The following PNPLA1 variants were observed in gnomAD, a reference collection of about 807,000 sequenced individuals.
The protein encoded by PNPLA1 is patatin like domain 1, omega-hydroxyceramide transacylase.
In PNPLA1, 36 loss-of-function variants were observed where a neutral mutation model predicts 51.7. That is an observed-to-expected ratio of 0.70 (90% CI 0.53 to 0.92). PNPLA1 has a LOEUF of 0.92. Among genes scored for constraint, PNPLA1 ranks in the 40% least tolerant of loss-of-function variants. PNPLA1 has a pLI of 0.00. For missense variants in PNPLA1, 658 were observed against 682.5 expected (o/e 0.96, Z 0.40); for synonymous variants, 293 against 280.1 (o/e 1.05, Z -0.46).
intron 1 of PNPLA1, among the ~76,000 whole-genome samples, chr6:36,255,224 G>A (rs897594673): frequency 6.6e-6 from 1 of 151,996 alleles, no homozygotes; most frequent in African/African-American, 2.4e-5. Context: ...TACAAAATTG[G>A]CCAGGTGCAG....
Position 36,307,719 on chromosome 6 carries a change from A to C in PNPLA1, c.1595+7A>C. ...AACCAAGCAGCAAAGTGCAGTGAGC[A>C]TGTCTAATGTTCCTTAAATCCCACG... On this transcript the variant is annotated splice_region_variant and intron_variant, in intron 8 of 8. Coordinates refer to ENST00000636260, the MANE Select transcript of PNPLA1 (RefSeq NM_001374623.1). The C allele has an allele frequency of 1.2e-6, 2 of 1,613,744 alleles. No homozygotes were observed. Among genetic ancestry groups the C allele is most frequent in the East Asian group, 2.2e-5 (1 of 44,832 alleles).
rs1770777376 is a variant in PNPLA1 at position 36,294,139 on chromosome 6, G to A, written c.505-51G>A. On this transcript the variant is annotated intron_variant, in intron 3 of 8. Coordinates refer to ENST00000636260, the MANE Select transcript of PNPLA1 (RefSeq NM_001374623.1). The surrounding 1 kb of genome is among the most constrained non-coding windows in gnomAD (Gnocchi z 4.2). ...TGGGCCATTTCGATGTACCCCGAGT[G>A]GGGCTGAGAACTCTGGCCCCAAGTG... is the stretch of plus-strand genomic sequence containing the variant. 6.2e-7 allele frequency: 1 copy of A among 1,602,048 alleles called. No individual in the cohort carries two copies. The highest frequency in any genetic ancestry group is 2.2e-5 in the East Asian group (1 of 44,638).
chr6:36,302,050 G>T lies in PNPLA1; in HGVS notation c.965G>T (p.Gly322Val). The change falls in exon 6 of 9, where the codon GGC becomes GTC. Residue 322 changes from glycine to valine, a missense_variant. By Grantham distance (109) the Gly-to-Val change is moderately radical (BLOSUM62 -3). Coordinates refer to ENST00000636260, the MANE Select transcript of PNPLA1 (RefSeq NM_001374623.1). Reference sequence around the variant, plus strand: ...TGGGTTCCCAAAGGGGATGGAAGGGGCAGCCATGGTCCGCCTGTGTCCCAA... The same window carrying T: ...TGGGTTCCCAAAGGGGATGGAAGGGTCAGCCATGGTCCGCCTGTGTCCCAA... ...KEWVPKGDGR[G>V]SHGPPVSQPV... 2 of 1,614,202 alleles carry T rather than the reference G, an allele frequency of 1.2e-6. No homozygotes were observed. The highest frequency in any genetic ancestry group is 1.7e-5 in the Admixed American group (1 of 60,030).
chr6:36,303,251 C>T (rs1429864048), intron 6 of PNPLA1, among the ~76,000 whole-genome samples: 4 of 152,186 alleles, frequency 2.6e-5, no homozygotes, highest in South Asian at 4.2e-4. Context: ...CCCGCCACCA[C>T]GCCTGGCTAA....
intron 1 of PNPLA1, among the ~76,000 whole-genome samples, chr6:36,274,148 C>A (rs1026596263): frequency 1.6e-4 from 25 of 152,154 alleles, no homozygotes; most frequent in African/African-American, 6.0e-4. Flanking sequence ...TCACAACAGC[C>A]CTCCCAGGTG....
rs768076966 is a variant in PNPLA1, at chr6:36,302,444, G to A, written c.1359G>A (p.Glu453=). Residue 453 remains glutamate, a synonymous_variant, in exon 6 of 9, where the codon GAG becomes GAA. Coordinates refer to ENST00000636260, the MANE Select transcript of PNPLA1 (RefSeq NM_001374623.1). ...CCTTCCCTGCTCAGCCACCTGTGGA[G>A]GAACTAGGCCAAGAACAGCCCCAAG... ...LSAFPAQPPV[E]ELGQEQPQAV... is the part of the protein sequence containing the mutation. 4 of 1,552,902 alleles carry A rather than the reference G, an allele frequency of 2.6e-6. No homozygotes were observed. Among genetic ancestry groups the A allele is most frequent in the Admixed American group, 3.8e-5 (2 of 52,806 alleles).
intron 1 of PNPLA1, among the ~76,000 whole-genome samples, chr6:36,254,586 A>AAAC (rs1769490323): frequency 1.3e-5 from 2 of 152,010 alleles, no homozygotes; most frequent in African/African-American, 4.8e-5. Context: ...AACAAACAAA[A>AAAC]AAAAAAACAA....
At chr6:36,278,831 G>C (rs1474471135) in intron 1 of PNPLA1, among the ~76,000 whole-genome samples, 1 of 152,204 alleles carries the variant, frequency 6.6e-6, no homozygotes, top group East Asian at 1.9e-4. Context: ...CTGGGGATCT[G>C]GCAGTGAGCA....
intron 1 of PNPLA1, among the ~76,000 whole-genome samples, chr6:36,256,080 G>A (rs965066363): frequency 2.1e-4 from 32 of 152,192 alleles, no homozygotes; most frequent in Middle Eastern, 3.4e-3. Flanking sequence ...AAAATAGCCC[G>A]GGCCTTTAAT....
chr6:36,288,441 C>CTTTT (rs1770570548), intron 1 of PNPLA1, among the ~76,000 whole-genome samples: 1 of 112,860 alleles, frequency 8.9e-6, no homozygotes. Context: ...TAAGGAGACC[C>CTTTT]TATTTTTTTT....
intron 1 of PNPLA1, among the ~76,000 whole-genome samples, chr6:36,283,111 T>A (rs1254819824): frequency 1.3e-5 from 2 of 152,318 alleles, no homozygotes; most frequent in Admixed American, 1.3e-4. Context: ...AATGTTAACA[T>A]CTTACATAAC....
chr6:36,290,057 C>G (rs1489805591), intron 1 of PNPLA1, among the ~76,000 whole-genome samples: 1 of 152,170 alleles, frequency 6.6e-6, no homozygotes, highest in Non-Finnish European at 1.5e-5. Context: ...GCCCTTAGCA[C>G]TCATGCAGGA....
chr6:36,287,808 G>C (rs1561862426), intron 1 of PNPLA1, among the ~76,000 whole-genome samples: 1 of 150,658 alleles, frequency 6.6e-6, no homozygotes, highest in Non-Finnish European at 1.5e-5. Flanking sequence ...CTGGAGAGAA[G>C]TAAGAAGATG....
At chr6:36,282,049 G>GA (rs1770303871) in intron 1 of PNPLA1, among the ~76,000 whole-genome samples, 1 of 65,970 alleles carries the variant, frequency 1.5e-5, no homozygotes, top group Non-Finnish European at 3.1e-5. Flanking sequence ...AAGAAGGAAA[G>GA]AAAGAAAGAA....
intron 5 of PNPLA1, 126 bp downstream of exon 5, chr6:36,295,550 G>C: frequency 9.5e-7 from 1 of 1,052,084 alleles, no homozygotes; most frequent in East Asian, 2.6e-5. Context: ...TCACCTGGGA[G>C]AGCTGGAAAT....
In PNPLA1 at chr6:36,295,438, G is replaced by A; in HGVS notation, c.775+14G>A. 1 of 1,614,020 alleles carries A rather than the reference G, an allele frequency of 6.2e-7. No individual in the cohort carries two copies. Reference sequence around the variant, plus strand: ...TGAGGCGGCTGAGTAAGTACCGGTGGGGCCCCAGGTAAGGGCAGTGTTGGA... The same window carrying A: ...TGAGGCGGCTGAGTAAGTACCGGTGAGGCCCCAGGTAAGGGCAGTGTTGGA... On this transcript the variant is annotated intron_variant, in intron 5 of 8. Coordinates refer to ENST00000636260, the MANE Select transcript of PNPLA1 (RefSeq NM_001374623.1).
intron 1 of PNPLA1, among the ~76,000 whole-genome samples, chr6:36,278,564 G>A (rs1770181795): frequency 6.6e-6 from 1 of 152,226 alleles, no homozygotes. Context: ...GGGTTCTGCA[G>A]ATGGGGAGGA....
intron 1 of PNPLA1, among the ~76,000 whole-genome samples, chr6:36,273,255 A>T (rs775459460): frequency 2.2e-3 from 218 of 98,054 alleles, no homozygotes; most frequent in African/African-American, 2.9e-3. Flanking sequence ...AATAAATAAT[A>T]AATAAATAAA....
intron 5 of PNPLA1, among the ~76,000 whole-genome samples, chr6:36,296,705 G>A (rs1770867826): frequency 6.6e-6 from 1 of 152,120 alleles, no homozygotes; most frequent in Non-Finnish European, 1.5e-5. Flanking sequence ...GGGGTGGAGA[G>A]GCTGGACGGA....
Sources: gnomAD v4.1 joint callset for allele counts (sites outside exome capture counted in the v4.1 genomes callset) on GRCh38, gnomAD v4.1.1 for gene constraint, Gnocchi (gnomAD v3.1) non-coding constraint, MANE v1.5 for transcripts, NCBI Gene and HGNC (gene_info 2026-07-23, HGNC 2026-07-21) for gene names.